The following EYS variants were observed in gnomAD, a reference collection of about 807,000 sequenced individuals.
The protein encoded by EYS is EGF-like photoreceptor maintenance factor.
EYS carries 250 observed loss-of-function variants against 282.1 expected under a neutral mutation model. The observed-to-expected ratio is 0.89, with a 90% CI of 0.80 to 0.98. The LOEUF is 0.98. Among genes scored for constraint, EYS ranks in the 50% least tolerant of loss-of-function variants. The probability of loss-of-function intolerance (pLI) is 0.00; values close to 1 mark genes in which losing one functional copy is unlikely to be tolerated. For synonymous variants in EYS, 1,355 were observed against 1,282.9 expected (o/e 1.06, Z -1.20); for missense variants, 4,016 against 3,709.0 (o/e 1.08, Z -2.15).
chr6:64,845,575 C>A (rs1170581480), intron 19 of EYS, among the ~76,000 whole-genome samples: 2 of 151,808 alleles, frequency 1.3e-5, no homozygotes, highest in African/African-American at 2.4e-5. Context: ...TAGGCCTTTT[C>A]TCTCTCCCTG....
intron 31 of EYS, among the ~76,000 whole-genome samples, chr6:64,187,423 T>C (rs1422979284): frequency 6.6e-6 from 1 of 152,178 alleles, no homozygotes; most frequent in Non-Finnish European, 1.5e-5. Flanking sequence ...TGGTGGTTAC[T>C]GGTGAGATTT....
intron 19 of EYS, among the ~76,000 whole-genome samples, chr6:64,833,687 T>C (rs1410525260): frequency 6.6e-6 from 1 of 151,974 alleles, no homozygotes; most frequent in African/African-American, 2.4e-5. Context: ...TTGTAACAAT[T>C]AGAAATGAAT....
intron 8 of EYS, among the ~76,000 whole-genome samples, chr6:65,355,820 A>T (rs1181069515): frequency 6.6e-6 from 1 of 152,106 alleles, no homozygotes; most frequent in African/African-American, 2.4e-5. Context: ...TTAAAAAGTC[A>T]AAAAACAATA....
At chr6:65,210,466 C>T (rs147810410) in intron 12 of EYS, among the ~76,000 whole-genome samples, 390 of 151,990 alleles carry the variant, frequency 2.6e-3, no homozygotes, top group African/African-American at 8.6e-3. Context: ...CCAATGATGA[C>T]GTTTAATAAT....
At chr6:65,675,631 TAG>T (rs1385024112) in intron 1 of EYS, among the ~76,000 whole-genome samples, 1 of 151,832 alleles carries the variant, frequency 6.6e-6, no homozygotes, top group Non-Finnish European at 1.5e-5. Flanking sequence ...TGGAGTGAGA[TAG>T]AGAGTAACAT....
intron 14 of EYS, among the ~76,000 whole-genome samples, chr6:64,992,799 G>T (rs1168560418): frequency 2.6e-5 from 4 of 151,958 alleles, no homozygotes; most frequent in Non-Finnish European, 4.4e-5. Flanking sequence ...AGAAATGAAG[G>T]CTTTAGTATT....
At chr6:65,360,100 T>C (rs1690514009) in intron 8 of EYS, among the ~76,000 whole-genome samples, 1 of 151,966 alleles carries the variant, frequency 6.6e-6, no homozygotes, top group African/African-American at 2.4e-5. Context: ...ATTGGAAGTA[T>C]ATAACCTTAT....
At chr6:64,187,436 C>T (rs141887442) in intron 31 of EYS, among the ~76,000 whole-genome samples, 9 of 152,072 alleles carry the variant, frequency 5.9e-5, no homozygotes, top group Non-Finnish European at 7.4e-5. Flanking sequence ...TGAGATTTAA[C>T]GTATTTCTTT....
At chr6:65,493,622 G>A (rs1168085058) in intron 4 of EYS, among the ~76,000 whole-genome samples, 1 of 152,190 alleles carries the variant, frequency 6.6e-6, no homozygotes, top group African/African-American at 2.4e-5. Context: ...ATATTCTCAA[G>A]TAGAGAGAGT....
At chr6:64,664,927 T>G (rs1769176825) in intron 22 of EYS, among the ~76,000 whole-genome samples, 2 of 152,190 alleles carry the variant, frequency 1.3e-5, no homozygotes, top group South Asian at 4.1e-4. Flanking sequence ...TACCACAACA[T>G]GAAATGAGGT....
intron 33 of EYS, among the ~76,000 whole-genome samples, chr6:64,011,451 G>A (rs1768623693): frequency 6.6e-6 from 1 of 152,056 alleles, no homozygotes; most frequent in Non-Finnish European, 1.5e-5. Context: ...TCATGATTTT[G>A]CAGTCTTTAA....
intron 5 of EYS, among the ~76,000 whole-genome samples, chr6:65,441,245 G>A (rs547640823): frequency 1.3e-5 from 2 of 151,440 alleles, no homozygotes; most frequent in African/African-American, 4.8e-5. Flanking sequence ...TGCACATTAT[G>A]TCTCTTCAGG....
chr6:64,348,956 T>C (rs1771516737), intron 29 of EYS, among the ~76,000 whole-genome samples: 1 of 151,482 alleles, frequency 6.6e-6, no homozygotes, highest in South Asian at 2.1e-4. Context: ...TACCCAGTGC[T>C]TTTATTAGGA....
intron 36 of EYS, among the ~76,000 whole-genome samples, chr6:63,831,340 C>T (rs1771631336): frequency 6.6e-6 from 1 of 152,022 alleles, no homozygotes; most frequent in Non-Finnish European, 1.5e-5. Flanking sequence ...TGCAGAGACA[C>T]ACATAAGCTC....
intron 1 of EYS, among the ~76,000 whole-genome samples, chr6:65,644,915 G>C (rs1767399917): frequency 6.6e-6 from 1 of 152,132 alleles, no homozygotes; most frequent in Admixed American, 6.6e-5. Context: ...GCTAAAAGGA[G>C]TGATAAGACT....
intron 41 of EYS, among the ~76,000 whole-genome samples, chr6:63,758,766 G>C (rs1350916221): frequency 6.6e-6 from 1 of 152,070 alleles, no homozygotes; most frequent in Non-Finnish European, 1.5e-5. Context: ...TTCCACTATG[G>C]TCATGATAAT....
At position 63,943,842 on chromosome 6, in the gene EYS, A is replaced by G. The variant is rs116539095; in HGVS notation, c.7055+40541T>C. ...CTTACCTAGTTTCCTTTGTTTGTGCAGCTACCAACCCAGGCTGACCAAACA... is the reference window on the plus strand; with the variant it reads ...CTTACCTAGTTTCCTTTGTTTGTGCGGCTACCAACCCAGGCTGACCAAACA... On this transcript the variant is annotated intron_variant, in intron 35 of 42. Coordinates refer to ENST00000503581, the MANE Select transcript of EYS (RefSeq NM_001142800.2). 1.5e-3 allele frequency among the ~76,000 whole-genome samples: 233 copies of G among 152,300 alleles called. 1 individual carries two copies. Among genetic ancestry groups the G allele is most frequent in the African/African-American group, 5.4e-3 (223 of 41,562 alleles).
At chr6:65,162,088 G>A (rs1463868501) in intron 12 of EYS, among the ~76,000 whole-genome samples, 2 of 151,174 alleles carry the variant, frequency 1.3e-5, no homozygotes, top group Non-Finnish European at 3.0e-5. Context: ...AAAGTAGTGT[G>A]TTTTAATGGA....
At chr6:65,203,754 C>G (rs1484294831) in intron 12 of EYS, among the ~76,000 whole-genome samples, 15 of 151,840 alleles carry the variant, frequency 9.9e-5, no homozygotes, top group Admixed American at 9.8e-4. Context: ...TGACCAAATT[C>G]AAACAAAGAA....
Sources: allele counts gnomAD v4.1 joint callset (sites outside exome capture counted in the v4.1 genomes callset), GRCh38; gene constraint gnomAD v4.1.1; transcripts MANE v1.5; gene names NCBI Gene and HGNC (gene_info 2026-07-23, HGNC 2026-07-21).